Variants in CCR5AS observed in about 807,000 individuals in gnomAD.
CCR5AS encodes CCR5 antisense RNA.
chr3:46,406,724 A>G (rs1034547701), intron 1 of CCR5AS, among the ~76,000 whole-genome samples: 1 of 151,984 alleles, frequency 6.6e-6, no homozygotes, highest in Non-Finnish European at 1.5e-5. Flanking sequence ...CTCAGTGTTG[A>G]CACCCAGGGC....
At chr3:46,373,926 T>G (rs754955483) in intron 2 of CCR5AS, 1 of 1,585,850 alleles carries the variant, frequency 6.3e-7, no homozygotes, top group Non-Finnish European at 8.6e-7. Context: ...TTACACCCGA[T>G]CCACTGGGGA....
intron 1 of CCR5AS, among the ~76,000 whole-genome samples, chr3:46,403,631 CA>C (rs1190445830): frequency 1.3e-5 from 2 of 152,202 alleles, no homozygotes; most frequent in African/African-American, 4.8e-5. Flanking sequence ...GGCTGCAACC[CA>C]ATGGATGCCC....
At chr3:46,374,037 G>A (rs1701717120) in intron 2 of CCR5AS, 1 of 1,116,590 alleles carries the variant, frequency 9.0e-7, no homozygotes, top group Admixed American at 2.3e-5. Flanking sequence ...CTGGGCTGGG[G>A]GTGGGGTGGG....
At position 46,397,083 on chromosome 3, in the gene CCR5AS, C is replaced by T. The variant is rs181399658; in HGVS notation, n.164-4031G>A. 3.9e-5 allele frequency among the ~76,000 whole-genome samples: 6 copies of T among 152,224 alleles called. No homozygotes were observed. In the East Asian group the frequency reaches 5.8e-4, roughly 15 times the overall value. ...GAAAGGAGGAGTGGGGGCAAGAGGC[C>T]CACACCTCACCTGGCCGGCTCCCAT... On this transcript the variant is annotated intron_variant and non_coding_transcript_variant, in intron 1 of 3. Transcript: ENST00000451485.
In CCR5AS at chr3:46,364,568, C is replaced by T. The variant is rs978176118; in HGVS notation, n.1043G>A. Among the ~76,000 whole-genome samples, 3 of 152,120 alleles carry T rather than the reference C, an allele frequency of 2.0e-5. 1 individual carries two copies. The highest frequency in any genetic ancestry group is 4.8e-5 in the African/African-American group (2 of 41,412). ...CCTGCTAACACAAACATCCATTCTG[C>T]AGTCCATGGACCAAGACTTTCAAGT... On this transcript the variant is annotated non_coding_transcript_exon_variant, in exon 4 of 4. Coordinates refer to ENST00000451485, the Ensembl canonical transcript of CCR5AS.
intron 1 of CCR5AS, among the ~76,000 whole-genome samples, chr3:46,402,187 G>A (rs17141081): frequency 0.11 from 16,359 of 152,122 alleles, 1,264 homozygotes; most frequent in East Asian, 0.22. Flanking sequence ...CTCCCAGTAA[G>A]TACATATAAA....
intron 1 of CCR5AS, among the ~76,000 whole-genome samples, chr3:46,401,431 G>A (rs535727473): frequency 4.2e-4 from 64 of 152,330 alleles, no homozygotes; most frequent in African/African-American, 6.7e-4. Flanking sequence ...ACATTTGCAG[G>A]ACTGCAAAGG....
At chr3:46,384,864 GATAGATAGATA>G (rs1701844819) in intron 2 of CCR5AS, among the ~76,000 whole-genome samples, 1 of 4,132 alleles carries the variant, frequency 2.4e-4, no homozygotes, top group Non-Finnish European at 1.1e-3. Context: ...ATGATAGATA[GATAGATAGATA>G]GATAGATAGA....
intron 2 of CCR5AS, among the ~76,000 whole-genome samples, chr3:46,383,936 G>T (rs143976688): frequency 6.6e-6 from 1 of 152,288 alleles, no homozygotes; most frequent in African/African-American, 2.4e-5. Flanking sequence ...AAGCAAAAAG[G>T]CAAAGTTTGA....
At chr3:46,390,821 A>T (rs2106770419) in intron 2 of CCR5AS, among the ~76,000 whole-genome samples, 1 of 152,274 alleles carries the variant, frequency 6.6e-6, no homozygotes, top group East Asian at 1.9e-4. Flanking sequence ...AGAGTGGGGG[A>T]GTTTTAAGCG....
intron 3 of CCR5AS, among the ~76,000 whole-genome samples, chr3:46,367,491 G>T (rs75967050): frequency 7.2e-5 from 11 of 152,084 alleles, no homozygotes; most frequent in Non-Finnish European, 1.3e-4. Context: ...GATACTGTGA[G>T]AATGTACCTA....
chr3:46,401,701 C>T (rs1702007029), intron 1 of CCR5AS, among the ~76,000 whole-genome samples: 1 of 151,890 alleles, frequency 6.6e-6, no homozygotes, highest in Non-Finnish European at 1.5e-5. Context: ...AATTAGGCTC[C>T]CTCAGAGCTG....
At chr3:46,379,566 C>T (rs929104866) in intron 2 of CCR5AS, among the ~76,000 whole-genome samples, 1 of 152,108 alleles carries the variant, frequency 6.6e-6, no homozygotes, top group Admixed American at 6.5e-5. Context: ...TATTCCAAAC[C>T]TCCTTCAGGG....
At chr3:46,370,230 G>T (rs1486884870) in intron 3 of CCR5AS, among the ~76,000 whole-genome samples, 1 of 152,164 alleles carries the variant, frequency 6.6e-6, no homozygotes, top group Non-Finnish European at 1.5e-5. Context: ...CTGGTTTGAA[G>T]GGCAACAAAA....
At chr3:46,406,480 T>G (rs1702048983) in intron 1 of CCR5AS, among the ~76,000 whole-genome samples, 1 of 151,602 alleles carries the variant, frequency 6.6e-6, no homozygotes, top group Admixed American at 6.6e-5. Context: ...CCATTCCAAA[T>G]CTGGGCTGTT....
chr3:46,389,135 G>A (rs1204391756), intron 2 of CCR5AS, among the ~76,000 whole-genome samples: 1 of 152,094 alleles, frequency 6.6e-6, no homozygotes, highest in Admixed American at 6.5e-5. Context: ...CAAAAAGTAG[G>A]GTAAGGATAA....
intron 1 of CCR5AS, among the ~76,000 whole-genome samples, chr3:46,396,570 G>T (rs1486094604): frequency 6.6e-6 from 1 of 152,218 alleles, no homozygotes; most frequent in Non-Finnish European, 1.5e-5. Flanking sequence ...GATGGGAACA[G>T]AGGTGCTGGA....
intron 2 of CCR5AS, chr3:46,373,975 G>A: frequency 6.5e-7 from 1 of 1,539,738 alleles, no homozygotes; most frequent in Non-Finnish European, 8.8e-7. Context: ...GGACTCAAGT[G>A]GGCTGGTGAC....
chr3:46,368,647 G>GTATT, intron 3 of CCR5AS, among the ~76,000 whole-genome samples: 1 of 152,316 alleles, frequency 6.6e-6, no homozygotes, highest in Middle Eastern at 3.4e-3. Flanking sequence ...GAATCATGTA[G>GTATT]TATTTAGGGT....
Sources: gnomAD v4.1 joint callset for allele counts (sites outside exome capture counted in the v4.1 genomes callset) on GRCh38, gnomAD v4.1.1 for gene constraint, MANE v1.5 for transcripts, NCBI Gene and HGNC (gene_info 2026-07-23, HGNC 2026-07-21) for gene names.